The following LRRFIP1 variants were observed in gnomAD, a reference collection of about 807,000 sequenced individuals.
LRRFIP1 encodes leucine-rich repeat flightless-interacting protein 1.
In LRRFIP1, 62 loss-of-function variants were observed where a neutral mutation model predicts 104.4. The observed-to-expected ratio is 0.59, with a 90% CI of 0.48 to 0.73. LRRFIP1 has a LOEUF of 0.73. Ranked by LOEUF, LRRFIP1 falls within the 30% of genes least tolerant of loss-of-function variation. The pLI, the probability that LRRFIP1 is intolerant of heterozygous loss-of-function variation, is 0.00. For synonymous variants in LRRFIP1, 300 were observed against 299.0 expected, an observed-to-expected ratio of 1.00 and a Z score of -0.03; for missense variants, 796 against 824.5, an observed-to-expected ratio of 0.97 and a Z score of 0.42.
At chr2:237,740,924 A>G (rs1383468167) in intron 11 of LRRFIP1, among the ~76,000 whole-genome samples, 1 of 152,200 alleles carries the variant, frequency 6.6e-6, no homozygotes, top group African/African-American at 2.4e-5. Flanking sequence ...AGAGCAGGAA[A>G]ATAGAGTTCA....
chr2:237,630,322 G>A (rs917510987), intron 1 of LRRFIP1, among the ~76,000 whole-genome samples: 1 of 152,180 alleles, frequency 6.6e-6, no homozygotes, highest in Non-Finnish European at 1.5e-5. Flanking sequence ...CTTGGGTTCA[G>A]TACTTTCTTA....
intron 11 of LRRFIP1, among the ~76,000 whole-genome samples, chr2:237,741,030 G>T (rs1332527857): frequency 6.6e-6 from 1 of 152,156 alleles, no homozygotes; most frequent in African/African-American, 2.4e-5. Flanking sequence ...CACACATTTG[G>T]CTCTGCCCAC....
chr2:237,695,256 T>C (rs142138008), intron 1 of LRRFIP1, among the ~76,000 whole-genome samples: 1,676 of 152,312 alleles, frequency 0.011, 39 homozygotes, highest in African/African-American at 0.039. Flanking sequence ...CTGTTCAGCC[T>C]GAGTTAATAT....
rs2060924540 is a variant in LRRFIP1 at position 237,774,593 on chromosome 2, C to T, written c.1812+131C>T. The T allele has an allele frequency of 1.8e-5, 12 of 657,024 alleles. No individual in the cohort carries two copies. In the East Asian group the frequency reaches 3.0e-4, roughly 16 times the overall value. 40.7% of individuals were successfully genotyped at this position (657,024 alleles called of 1,614,324 possible). A position where few individuals can be genotyped will look rare whatever the true frequency, so the allele number is the denominator to read the frequency against. ...CATTGTCAGATCATCCCACACCACT[C>T]TGCAGTGCCGGTGTCTTAATAAAGG... is the stretch of plus-strand genomic sequence containing the variant. On this transcript the variant is annotated intron_variant, in intron 23 of 23. Coordinates refer to ENST00000308482, the MANE Select transcript of LRRFIP1 (RefSeq NM_001137550.2).
chr2:237,674,333 C>T (rs909385987), intron 1 of LRRFIP1, among the ~76,000 whole-genome samples: 3 of 152,198 alleles, frequency 2.0e-5, no homozygotes, highest in African/African-American at 7.2e-5. Flanking sequence ...GGGGCAAGGA[C>T]GCAAGGGCAG....
chr2:237,662,664 T>G (rs1243208616), intron 1 of LRRFIP1, among the ~76,000 whole-genome samples: 1 of 152,128 alleles, frequency 6.6e-6, no homozygotes, highest in Non-Finnish European at 1.5e-5. Context: ...ATGTTCCCAT[T>G]CTCGGTGTGG....
intron 1 of LRRFIP1, among the ~76,000 whole-genome samples, chr2:237,673,913 G>T (rs572382413): frequency 4.7e-5 from 3 of 63,344 alleles, no homozygotes; most frequent in Non-Finnish European, 9.0e-5. Flanking sequence ...CTAAGGCTCT[G>T]TGCAGAGCGC....
intron 11 of LRRFIP1, among the ~76,000 whole-genome samples, chr2:237,741,943 T>A (rs774155053): frequency 6.6e-6 from 1 of 152,242 alleles, no homozygotes; most frequent in Non-Finnish European, 1.5e-5. Context: ...ATGCCCTCTG[T>A]ACCCTCTGCC....
Position 237,677,267 on chromosome 2 carries a change from T to C in LRRFIP1, c.97-31277T>C, listed in dbSNP as rs149171471. ...TTGATGAATAGTATGAGGTACCTCA[T>C]CTAGTTGGAATCATACAGCATTTGT... On this transcript the variant is annotated intron_variant, in intron 1 of 23. Transcript: ENST00000308482. Among the ~76,000 whole-genome samples, 6 of 152,336 alleles carry C rather than the reference T, an allele frequency of 3.9e-5. No individual in the cohort carries two copies. The East Asian group carries it at 1.2e-3, about 29-fold the overall frequency.
chr2:237,697,185 G>A (rs2093246205), intron 1 of LRRFIP1, among the ~76,000 whole-genome samples: 1 of 152,030 alleles, frequency 6.6e-6, no homozygotes, highest in South Asian at 2.1e-4. Flanking sequence ...ACCTCACCCG[G>A]CTAATTTTTG....
intron 1 of LRRFIP1, among the ~76,000 whole-genome samples, chr2:237,658,760 C>G (rs1368352631): frequency 1.3e-5 from 2 of 152,164 alleles, no homozygotes; most frequent in East Asian, 1.9e-4. Flanking sequence ...ATCACCAGAA[C>G]AGCATGCGGG....
At position 237,766,378 on chromosome 2, in the gene LRRFIP1, T is replaced by G. The variant is rs547227319; in HGVS notation, c.1460-3565T>G. Among the ~76,000 whole-genome samples the G allele has an allele frequency of 6.6e-6, 1 of 152,308 alleles. No individual in the cohort carries two copies. The highest frequency in any genetic ancestry group is 1.9e-4 in the East Asian group (1 of 5,178). On this transcript the variant is annotated intron_variant, in intron 19 of 23. Transcript: ENST00000308482. This position sits in a 1 kb window ranked among gnomAD's most constrained non-coding sequence, Gnocchi z 4.8. Reference sequence around the variant, plus strand: ...TTCACAGGGTTTTAGTTTATGTCTCTAACTTTAGCAAAGCTGCATTCCTAT... The same window carrying G: ...TTCACAGGGTTTTAGTTTATGTCTCGAACTTTAGCAAAGCTGCATTCCTAT...
chr2:237,706,015 T>C (rs2149984815), intron 1 of LRRFIP1, among the ~76,000 whole-genome samples: 1 of 152,380 alleles, frequency 6.6e-6, no homozygotes, highest in Middle Eastern at 3.4e-3. Flanking sequence ...GGCAGTCAAC[T>C]GACGAAGGAT....
At chr2:237,667,913 G>A (rs1279700874) in intron 1 of LRRFIP1, among the ~76,000 whole-genome samples, 1 of 151,940 alleles carries the variant, frequency 6.6e-6, no homozygotes, top group East Asian at 1.9e-4. Context: ...CATGAGGTTT[G>A]CGCCTTTCTC....
intron 2 of LRRFIP1, chr2:237,708,862 T>C: frequency 7.5e-6 from 5 of 662,864 alleles, no homozygotes; most frequent in Non-Finnish European, 1.1e-5. Context: ...CTTAGAAGCC[T>C]CTTGCCTGCG....
chr2:237,763,487 A>T, intron 19 of LRRFIP1: 1 of 1,613,470 alleles, frequency 6.2e-7, no homozygotes, highest in Non-Finnish European at 8.5e-7. Flanking sequence ...TAAAGATGTT[A>T]AAAAAGAGTT....
chr2:237,764,166 C>T (rs2060122136), intron 19 of LRRFIP1: 1 of 1,613,954 alleles, frequency 6.2e-7, no homozygotes, highest in African/African-American at 1.3e-5. Context: ...AGGCGCGGTG[C>T]ACAGGAAGTC....
chr2:237,668,190 C>G (rs2089785126), intron 1 of LRRFIP1, among the ~76,000 whole-genome samples: 2 of 152,148 alleles, frequency 1.3e-5, no homozygotes, highest in African/African-American at 2.4e-5. Flanking sequence ...GCTGAGGCCC[C>G]TCCCCTCACA....
chr2:237,717,593 G>A lies in LRRFIP1; in HGVS notation c.202-169G>A, dbSNP rs1163135804. On this transcript the variant is annotated intron_variant, in intron 3 of 23. Transcript: ENST00000308482. The surrounding 1 kb of genome is among the most constrained non-coding windows in gnomAD (Gnocchi z 4.2). The stretch of plus-strand genomic sequence containing the variant: ...CAGCCTGCATGACTGCACGGGTGGC[G>A]GTCCCTGTGGAGAAGCCAGGCCTGG... 2.6e-5 allele frequency among the ~76,000 whole-genome samples: 4 copies of A among 152,212 alleles called. No individual in the cohort carries two copies. The highest frequency in any genetic ancestry group is 7.2e-5 in the African/African-American group (3 of 41,448).
Sources: allele counts gnomAD v4.1 joint callset (sites outside exome capture counted in the v4.1 genomes callset), GRCh38; gene constraint gnomAD v4.1.1; non-coding constraint Gnocchi (gnomAD v3.1); transcripts MANE v1.5; gene names NCBI Gene and HGNC (gene_info 2026-07-23, HGNC 2026-07-21).